RBPJL: variants seen among roughly 807,000 people sequenced by gnomAD.
RBPJL encodes the protein recombination signal binding protein for immunoglobulin kappa J region like.
RBPJL carries 50 observed loss-of-function variants against 57.6 expected under a neutral mutation model. That is an observed-to-expected ratio of 0.87 (90% CI 0.69 to 1.10). RBPJL has a LOEUF of 1.10. Among genes scored for constraint, RBPJL ranks in the 50% least tolerant of loss-of-function variants. The probability of loss-of-function intolerance (pLI) is 0.00; values close to 1 mark genes in which losing one functional copy is unlikely to be tolerated. For synonymous variants in RBPJL, 303 were observed against 294.4 expected (o/e 1.03, Z -0.30); for missense variants, 684 against 693.7 (o/e 0.99, Z 0.16).
chr20:45,316,806 C>T lies in RBPJL; in HGVS notation c.1401C>T (p.Tyr467=), dbSNP rs1381376853. 2 of 1,613,924 alleles carry T rather than the reference C, an allele frequency of 1.2e-6. No individual in the cohort carries two copies. The highest frequency in any genetic ancestry group is 8.5e-7 in the Non-Finnish European group (1 of 1,179,840). The change falls in exon 12 of 12, where the codon TAC becomes TAT. Residue 467 remains tyrosine (Y), a synonymous_variant. Transcript: ENST00000343694. ...TGGTGCGCGCCGACGGGCTCTTCTA[C>T]CCTAGTGCCTTCTCCTTCACCTACA... ...MSLVRADGLF[Y]PSAFSFTYTP...
Position 45,313,960 on chromosome 20 carries a change from G to A in RBPJL, c.758-75G>A, listed in dbSNP as rs1404790714. ...ATGTGTGATGTGAGGAAGAGCCAGAGGCAACAAGGCAGGGTTTAAGGCAGA... is the reference window on the plus strand; with the variant it reads ...ATGTGTGATGTGAGGAAGAGCCAGAAGCAACAAGGCAGGGTTTAAGGCAGA... On this transcript the variant is annotated intron_variant, in intron 7 of 11. Transcript: ENST00000343694. The A allele has an allele frequency of 6.4e-5, 67 of 1,048,358 alleles. No individual in the cohort carries two copies. In the East Asian group the frequency reaches 1.6e-3, roughly 25 times the overall value. 64.9% of individuals were successfully genotyped at this position (1,048,358 alleles called of 1,614,324 possible).
Position 45,311,848 on chromosome 20 carries a change from C to A in RBPJL, c.338C>A (p.Ala113Glu). The change falls in exon 5 of 12, where the codon GCG becomes GAG. Residue 113 changes from alanine to glutamate, a missense_variant. By Grantham distance (107) the Ala-to-Glu change is moderately radical. Coordinates refer to ENST00000343694, the MANE Select transcript of RBPJL (RefSeq NM_014276.4). ...TCGCGTCCCTTTCCAGCTCACCAGG[C>A]GGGGGAAACGGGGCCCACGGTCTGC... ...VKPGQDQAHQ[A>E]GETGPTVCGY... The A allele has an allele frequency of 1.3e-6, 2 of 1,551,418 alleles. No individual in the cohort carries two copies. The highest frequency in any genetic ancestry group is 1.7e-6 in the Non-Finnish European group (2 of 1,146,710).
intron 3 of RBPJL, among the ~76,000 whole-genome samples, chr20:45,310,343 A>T (rs1987098171): frequency 6.6e-6 from 1 of 152,192 alleles, no homozygotes. Flanking sequence ...GCGATGGCTC[A>T]CACCTGTAAT....
At chr20:45,312,888 G>C (rs1334438289) in intron 6 of RBPJL, among the ~76,000 whole-genome samples, 3 of 151,000 alleles carry the variant, frequency 2.0e-5, no homozygotes, top group African/African-American at 7.3e-5. Flanking sequence ...TGCACTTGTT[G>C]TCCCAGCTAC....
rs1353801017 is a variant in RBPJL, at chr20:45,311,889, G to A, written c.379G>A (p.Asp127Asn). Reference protein sequence around the residue: ...GPTVCGYMGLDSASGSATETQ... With the variant: ...GPTVCGYMGLNSASGSATETQ... ...CACGGTCTGCGGTTACATGGGACTG[G>A]ACAGCGCGTCCGGCAGCGCCACTGA... is the stretch of plus-strand genomic sequence containing the variant. Residue 127 changes from aspartate (D) to asparagine (N), a missense_variant, in exon 5 of 12, where the codon GAC becomes AAC. Physicochemically the swap from Asp to Asn is conservative, Grantham distance 23 (BLOSUM62 1). Transcript: ENST00000343694. 4.5e-6 allele frequency: 7 copies of A among 1,551,442 alleles called. No homozygotes were observed. The South Asian group carries it at 7.1e-5, about 16-fold the overall frequency.
intron 11 of RBPJL, 31 bp downstream of exon 11, chr20:45,316,611 C>A: frequency 6.6e-7 from 1 of 1,516,856 alleles, no homozygotes; most frequent in Admixed American, 2.2e-5. Flanking sequence ...CTCTCTTGGG[C>A]CCCGGGGAGC....
chr20:45,313,872 G>A (rs986501690), intron 7 of RBPJL, among the ~76,000 whole-genome samples, 163 bp from the exon 8 acceptor site: 10 of 152,208 alleles, frequency 6.6e-5, no homozygotes, highest in African/African-American at 1.4e-4. Context: ...GGCCTCAAAT[G>A]GCCTCTCCAG....
chr20:45,310,101 AC>A (rs1378290098), intron 3 of RBPJL, among the ~76,000 whole-genome samples: 1 of 152,164 alleles, frequency 6.6e-6, no homozygotes, highest in Non-Finnish European at 1.5e-5. Context: ...TAAACTCCCC[AC>A]AAGTCAGGAA....
At chr20:45,313,634 G>A (rs370773969) in intron 7 of RBPJL, 29 bp downstream of exon 7, 2 of 1,569,914 alleles carry the variant, frequency 1.3e-6, no homozygotes, top group Non-Finnish European at 1.7e-6. Flanking sequence ...CCTGGAGCTG[G>A]GCACTTCACA....
At chr20:45,307,625 G>A (rs2741502) in intron 1 of RBPJL, among the ~76,000 whole-genome samples, 30,398 of 152,104 alleles carry the variant, frequency 0.2, 3,186 homozygotes, top group Middle Eastern at 0.29. Context: ...TCCCATTCTT[G>A]GTCTGAGCCA....
Position 45,316,542 on chromosome 20 carries a change from G to A in RBPJL, c.1242G>A (p.Lys414=). Residue 414 remains lysine, a synonymous_variant, in exon 11 of 12, where the codon AAG becomes AAA. Transcript: ENST00000343694. ...LHGENFHAGL[K]VWFGDVEAET... ...GAGAGAACTTCCACGCGGGGCTCAA[G>A]GTGTGGTTTGGGGACGTGGAGGCAG... 3 of 1,539,548 alleles carry A rather than the reference G, an allele frequency of 1.9e-6. No individual in the cohort carries two copies. The highest frequency in any genetic ancestry group is 1.8e-4 in the Middle Eastern group (1 of 5,412).
chr20:45,309,752 C>T, intron 3 of RBPJL, 60 bp downstream of exon 3: 1 of 1,599,446 alleles, frequency 6.3e-7, no homozygotes, highest in Non-Finnish European at 8.5e-7. Flanking sequence ...GCACCTCCTC[C>T]ATCCACCCAT....
chr20:45,316,277 T>C lies in RBPJL; in HGVS notation c.1111T>C (p.Phe371Leu), dbSNP rs1465813171. Residue 371 changes from phenylalanine to leucine, a missense_variant, in exon 10 of 12, where the codon TTC becomes CTC. Coordinates refer to ENST00000343694, the MANE Select transcript of RBPJL (RefSeq NM_014276.4). ...IIGTESVEFS[F>L]STSLACTLEP... Reference sequence around the variant, plus strand: ...CGGCACCGAGTCGGTGGAATTTTCCTTCAGCACCAGCCTGGCGTGTACCCT... The same window carrying C: ...CGGCACCGAGTCGGTGGAATTTTCCCTCAGCACCAGCCTGGCGTGTACCCT... 2.5e-6 allele frequency: 4 copies of C among 1,614,234 alleles called. No homozygotes were observed. Among genetic ancestry groups the C allele is most frequent in the Non-Finnish European group, 2.5e-6 (3 of 1,180,032 alleles).
rs376481766 is a variant in RBPJL at position 45,311,601 on chromosome 20, C to T, written c.270C>T (p.Pro90=). 94 of 1,614,064 alleles carry T rather than the reference C, an allele frequency of 5.8e-5. No homozygotes were observed. The highest frequency in any genetic ancestry group is 7.4e-5 in the Non-Finnish European group (87 of 1,180,050). ...SYGNEKRFFC[P]PPCVYLSGPG... is the part of the protein sequence containing the mutation. ...CTTATCTCCGCAGGTTCTTCTGCCC[C>T]CCGCCCTGTGTCTACCTCTCGGGGC... The change falls in exon 4 of 12, where the codon CCC becomes CCT. Residue 90 remains proline (P), a synonymous_variant. Coordinates refer to ENST00000343694, the MANE Select transcript of RBPJL (RefSeq NM_014276.4).
intron 1 of RBPJL, 122 bp downstream of exon 1, chr20:45,307,066 C>T (rs1382048686): frequency 1.7e-6 from 1 of 575,874 alleles, no homozygotes; most frequent in Non-Finnish European, 2.6e-6. Context: ...GCCCGCCGAA[C>T]TGCAAAAGCA....
intron 8 of RBPJL, 95 bp downstream of exon 8, chr20:45,314,239 C>A: frequency 1.6e-6 from 2 of 1,277,428 alleles, no homozygotes; most frequent in South Asian, 1.3e-5. Flanking sequence ...GGCCCCAAGG[C>A]ATGGAGACAC....
intron 6 of RBPJL, among the ~76,000 whole-genome samples, chr20:45,312,678 T>A (rs1341463071): frequency 1.3e-5 from 2 of 149,742 alleles, no homozygotes; most frequent in Admixed American, 6.6e-5. Context: ...TAGGCAGGAG[T>A]TGAACTAGGG....
intron 7 of RBPJL, 43 bp downstream of exon 7, chr20:45,313,648 A>C: frequency 6.5e-7 from 1 of 1,530,130 alleles, no homozygotes; most frequent in African/African-American, 1.4e-5. Context: ...CTTCACATGC[A>C]TTAGCTTATT....
Position 45,309,660 on chromosome 20 carries a change from G to A in RBPJL, c.225G>A (p.Lys75=). 1 of 1,613,638 alleles carries A rather than the reference G, an allele frequency of 6.2e-7. No individual in the cohort carries two copies. Among genetic ancestry groups the A allele is most frequent in the Non-Finnish European group, 8.5e-7 (1 of 1,179,798 alleles). The change falls in exon 3 of 12, where the codon AAG becomes AAA. Residue 75 remains lysine, a synonymous_variant. Coordinates refer to ENST00000343694, the MANE Select transcript of RBPJL (RefSeq NM_014276.4). ...AGACTGTGCGGATCCTGCATGCCAA[G>A]GTGGCCCAGAAATCATACGGAAATG... The part of the protein sequence containing the change: ...CEQTVRILHA[K]VAQKSYGNEK...
Sources: allele counts gnomAD v4.1 joint callset (sites outside exome capture counted in the v4.1 genomes callset), GRCh38; gene constraint gnomAD v4.1.1; transcripts MANE v1.5; gene names NCBI Gene and HGNC (gene_info 2026-07-23, HGNC 2026-07-21).